PEAK1: variants seen among roughly 807,000 people sequenced by gnomAD.
The protein encoded by PEAK1 is inactive tyrosine-protein kinase PEAK1.
A neutral mutation model predicts 124.7 loss-of-function variants in PEAK1; 54 were observed. That is an observed-to-expected ratio of 0.43 (90% confidence interval 0.35 to 0.54). The LOEUF is 0.54. Among genes scored for constraint, PEAK1 ranks in the 20% least tolerant of loss-of-function variants. PEAK1 has a pLI of 0.01. For missense variants in PEAK1, 2,046 were observed against 2,134.5 expected, an observed-to-expected ratio of 0.96 and a Z score of 0.82; for synonymous variants, 719 against 760.0, an observed-to-expected ratio of 0.95 and a Z score of 0.89.
intron 7 of PEAK1, among the ~76,000 whole-genome samples, chr15:77,165,243 G>A (rs941002342): frequency 2.7e-5 from 4 of 149,070 alleles, no homozygotes; most frequent in East Asian, 2.0e-4. Flanking sequence ...GGCCCAGGCC[G>A]GAGTGCAGTG....
At chr15:77,235,459 C>T (rs115728859) in intron 6 of PEAK1, among the ~76,000 whole-genome samples, 47 of 152,220 alleles carry the variant, frequency 3.1e-4, no homozygotes, top group African/African-American at 9.9e-4. Flanking sequence ...TTGTGCATTA[C>T]GCCTGTCCTA....
intron 1 of PEAK1, among the ~76,000 whole-genome samples, chr15:77,407,307 C>T (rs1201279914): frequency 2.6e-5 from 4 of 151,982 alleles, no homozygotes; most frequent in South Asian, 2.1e-4. Context: ...GCACAGCAAA[C>T]GAAATAACCA....
At chr15:77,197,775 G>T (rs562357839) in intron 6 of PEAK1, among the ~76,000 whole-genome samples, 1 of 152,100 alleles carries the variant, frequency 6.6e-6, no homozygotes, top group Non-Finnish European at 1.5e-5. Context: ...AGTAGACCAC[G>T]ACAATTTTCA....
chr15:77,186,027 G>GT (rs34579720), intron 6 of PEAK1, among the ~76,000 whole-genome samples: 1 of 152,084 alleles, frequency 6.6e-6, no homozygotes, highest in South Asian at 2.1e-4. Context: ...TTTGGTAGAT[G>GT]TTTTTTTCTT....
rs114747434 is a variant in PEAK1, at chr15:77,200,055, C to A, written c.-114-18015G>T. Among the ~76,000 whole-genome samples the A allele has an allele frequency of 7.3e-3, 1,112 of 152,234 alleles. 15 individuals are homozygous for A. The highest frequency in any genetic ancestry group is 0.025 in the African/African-American group (1,056 of 41,540). ...TTCCATAAAGTTACATCAAGTGGGC[C>A]TATCTTTCCTGCCTATTTCCACCTG... On this transcript the variant is annotated intron_variant, in intron 6 of 9. Transcript: ENST00000682557.
intron 2 of PEAK1, 57 bp from the exon 3 acceptor site, chr15:77,286,561 T>C: frequency 1.2e-6 from 1 of 825,000 alleles, no homozygotes. Flanking sequence ...TGAATCACTC[T>C]TTAAAACTGA....
At chr15:77,102,785 T>C (rs1408520425) in exon 7 of PEAK1, 1 of 152,214 alleles carries the variant, frequency 6.6e-6, no homozygotes, top group Non-Finnish European at 1.5e-5. Flanking sequence ...ATCATAGCTT[T>C]TTCATATGCT....
intron 7 of PEAK1, among the ~76,000 whole-genome samples, chr15:77,161,490 T>C (rs2055635547): frequency 6.6e-6 from 1 of 152,228 alleles, no homozygotes; most frequent in African/African-American, 2.4e-5. Flanking sequence ...AAAGTAATTG[T>C]CAACTCTAAA....
intron 6 of PEAK1, among the ~76,000 whole-genome samples, chr15:77,241,449 T>A (rs572102211): frequency 6.6e-6 from 1 of 152,272 alleles, no homozygotes; most frequent in African/African-American, 2.4e-5. Flanking sequence ...CCATCATTCC[T>A]GTTCCACGTA....
At chr15:77,338,001 C>T (rs1313376554) in intron 2 of PEAK1, 2 of 984,276 alleles carry the variant, frequency 2.0e-6, no homozygotes, top group Non-Finnish European at 2.4e-6. Context: ...AATAAATTAT[C>T]TTGAGGTAAA....
At chr15:77,418,304 A>T in intron 1 of PEAK1, 1 of 985,454 alleles carries the variant, frequency 1.0e-6, no homozygotes, top group South Asian at 4.7e-5. Context: ...GAGGGAAAAG[A>T]AGGAACATAC....
intron 9 of PEAK1, among the ~76,000 whole-genome samples, chr15:77,122,053 G>A (rs1440699882): frequency 6.6e-6 from 1 of 152,070 alleles, no homozygotes; most frequent in Non-Finnish European, 1.5e-5. Context: ...CCTAGGAGGA[G>A]TATTGCTATA....
At chr15:77,246,411 C>G (rs2060590695) in intron 6 of PEAK1, among the ~76,000 whole-genome samples, 1 of 152,082 alleles carries the variant, frequency 6.6e-6, no homozygotes, top group South Asian at 2.1e-4. Flanking sequence ...GTAATCCCAG[C>G]TACTCAGGAC....
At chr15:77,135,008 A>C (rs550883495) in intron 8 of PEAK1, among the ~76,000 whole-genome samples, 3 of 152,196 alleles carry the variant, frequency 2.0e-5, no homozygotes, top group Non-Finnish European at 4.4e-5. Flanking sequence ...GTGCAGACTA[A>C]GGAATACCAA....
At chr15:77,199,796 G>C (rs2058276017) in intron 6 of PEAK1, among the ~76,000 whole-genome samples, 1 of 152,166 alleles carries the variant, frequency 6.6e-6, no homozygotes, top group Non-Finnish European at 1.5e-5. Context: ...ACCAGCGCCA[G>C]ACAATGAAGA....
At chr15:77,406,798 A>G (rs892219426) in intron 1 of PEAK1, among the ~76,000 whole-genome samples, 1 of 152,188 alleles carries the variant, frequency 6.6e-6, no homozygotes. Context: ...GGAACCAAAA[A>G]AGAGCTCACA....
At chr15:77,358,721 T>G (rs948141168) in intron 2 of PEAK1, among the ~76,000 whole-genome samples, 1 of 152,202 alleles carries the variant, frequency 6.6e-6, no homozygotes, top group Non-Finnish European at 1.5e-5. Flanking sequence ...AGTGATAGCT[T>G]AGCAATCAAC....
intron 5 of PEAK1, among the ~76,000 whole-genome samples, chr15:77,261,933 GAA>G (rs1359065835): frequency 2.6e-5 from 4 of 152,116 alleles, no homozygotes; most frequent in African/African-American, 9.7e-5. Flanking sequence ...CTACAAGCCA[GAA>G]GAGAGTGGGG....
At chr15:77,322,772 C>T (rs1177105243) in intron 2 of PEAK1, among the ~76,000 whole-genome samples, 1 of 152,204 alleles carries the variant, frequency 6.6e-6, no homozygotes, top group Non-Finnish European at 1.5e-5. Flanking sequence ...CTCCCTAACT[C>T]ATTTTATGAG....
Sources: gnomAD v4.1 joint callset for allele counts (sites outside exome capture counted in the v4.1 genomes callset) on GRCh38, gnomAD v4.1.1 for gene constraint, MANE v1.5 for transcripts, NCBI Gene and HGNC (gene_info 2026-07-23, HGNC 2026-07-21) for gene names.